WAC: variants seen among roughly 807,000 people sequenced by gnomAD.
WAC encodes the protein WW domain containing adaptor with coiled-coil.
In WAC, 11 loss-of-function variants were observed where a neutral mutation model predicts 79.6. The observed-to-expected ratio is 0.14, with a 90% confidence interval of 0.09 to 0.23. The LOEUF is 0.23. Ranked by LOEUF, WAC falls within the 10% of genes least tolerant of loss-of-function variation. The pLI is 1.00. For synonymous variants in WAC, 304 were observed against 276.9 expected (o/e 1.10, Z -0.97); for missense variants, 728 against 773.5 (o/e 0.94, Z 0.70).
At chr10:28,535,113 T>G (rs1275715565) in intron 2 of WAC, among the ~76,000 whole-genome samples, 1 of 134,404 alleles carries the variant, frequency 7.4e-6, no homozygotes, top group East Asian at 2.4e-4. Context: ...GAAACTGGTG[T>G]GTGGGTTTTT....
At position 28,583,521 on chromosome 10, in the gene WAC, A is replaced by G; in HGVS notation, c.381+16A>G. 7.0e-7 allele frequency: 1 copy of G among 1,432,650 alleles called. No homozygotes were observed. Among genetic ancestry groups the G allele is most frequent in the Non-Finnish European group, 9.3e-7 (1 of 1,076,936 alleles). The allele number at this position is 1,432,650 out of a possible 1,614,324, so 88.7% of individuals were successfully genotyped here. On this transcript the variant is annotated intron_variant, in intron 4 of 13. Transcript: ENST00000354911. The stretch of plus-strand genomic sequence containing the variant: ...TTCAGATGCAGTAAGTATTATAAAC[A>G]TGTCCAATATGGTTTCTTTGGAATT...
chr10:28,621,897 GAC>G lies in WAC; in HGVS notation c.*2293_*2294del, dbSNP rs2132897508. On this transcript the variant is annotated 3_prime_UTR_variant, in exon 14 of 14. Coordinates refer to ENST00000354911, the MANE Select transcript of WAC (RefSeq NM_016628.5). ...AATAGTGAATTTTTTTTTTTCTTGA[GAC>G]AGAGTTTCACTCTTGTTGCCCAGGC... 1 of 151,872 alleles carries G rather than the reference GAC, an allele frequency of 6.6e-6. No individual in the cohort carries two copies. The highest frequency in any genetic ancestry group is 1.9e-4 in the East Asian group (1 of 5,166). 9.4% of individuals were successfully genotyped at this position (151,872 alleles called of 1,614,324 possible).
chr10:28,567,109 T>C (rs1356264350), intron 3 of WAC, among the ~76,000 whole-genome samples: 3 of 152,046 alleles, frequency 2.0e-5, no homozygotes, highest in African/African-American at 7.2e-5. Context: ...AGTCATGTTA[T>C]TCTTTTGCTA....
intron 3 of WAC, among the ~76,000 whole-genome samples, chr10:28,554,065 G>A (rs1225809092): frequency 4.6e-5 from 7 of 152,120 alleles, no homozygotes; most frequent in African/African-American, 9.6e-5. Context: ...ATGGGGTTTC[G>A]CCATGTTGGT....
chr10:28,608,357 G>A lies in WAC; in HGVS notation c.1091G>A (p.Arg364Lys), dbSNP rs747905532. 5 of 1,613,930 alleles carry A rather than the reference G, an allele frequency of 3.1e-6. No homozygotes were observed. In the South Asian group the frequency reaches 4.4e-5, roughly 14 times the overall value. The change falls in exon 8 of 14, where the codon AGA becomes AAA. Residue 364 changes from arginine (R) to lysine (K), a missense_variant. This residue lies in a region of WAC where 648 missense variants were observed against 661.5 expected (regional missense o/e 0.98). Transcript: ENST00000354911. ...PPLLQDPNLLRQLLPALQATL... is the reference protein window; with the variant it reads ...PPLLQDPNLLKQLLPALQATL... Reference sequence around the variant, plus strand: ...TTACTTCAGGACCCAAATCTTCTTAGACAATTGCTTCCTGCTTTGCAAGCC... The same window carrying A: ...TTACTTCAGGACCCAAATCTTCTTAAACAATTGCTTCCTGCTTTGCAAGCC...
intron 3 of WAC, among the ~76,000 whole-genome samples, chr10:28,552,348 G>C (rs1389605500): frequency 6.6e-6 from 1 of 152,134 alleles, no homozygotes; most frequent in Non-Finnish European, 1.5e-5. Flanking sequence ...AATCAGGCCT[G>C]TTGGTCAGAG....
intron 3 of WAC, among the ~76,000 whole-genome samples, chr10:28,547,154 A>G (rs370776752): frequency 2.6e-5 from 4 of 152,168 alleles, no homozygotes; most frequent in African/African-American, 9.7e-5. Flanking sequence ...TTTCTGGCAG[A>G]TGGGATTATT....
chr10:28,541,044 A>G (rs1259445586), intron 3 of WAC, among the ~76,000 whole-genome samples: 1 of 152,108 alleles, frequency 6.6e-6, no homozygotes, highest in Non-Finnish European at 1.5e-5. Flanking sequence ...TTATAATTTA[A>G]TGGTATTTCT....
chr10:28,613,396 C>T (rs918689620), intron 10 of WAC, among the ~76,000 whole-genome samples: 1 of 152,076 alleles, frequency 6.6e-6, no homozygotes, highest in African/African-American at 2.4e-5. Context: ...GTGCACTACT[C>T]AGGAGGCTGA....
At chr10:28,616,681 A>C (rs1277252138) in intron 12 of WAC, among the ~76,000 whole-genome samples, 1 of 152,220 alleles carries the variant, frequency 6.6e-6, no homozygotes, top group Admixed American at 6.5e-5. Context: ...CAAATAGTGC[A>C]TAAGACCTTG....
At chr10:28,553,445 T>G (rs1239310724) in intron 3 of WAC, among the ~76,000 whole-genome samples, 1 of 152,180 alleles carries the variant, frequency 6.6e-6, no homozygotes, top group African/African-American at 2.4e-5. Context: ...GCAAATACAA[T>G]TTTTATTTCT....
chr10:28,606,255 T>C (rs1020896994), intron 7 of WAC, among the ~76,000 whole-genome samples: 1 of 152,206 alleles, frequency 6.6e-6, no homozygotes, highest in African/African-American at 2.4e-5. Context: ...TTTTGCCGTG[T>C]TGCCCAGGCC....
chr10:28,543,725 A>G (rs753073238), intron 3 of WAC, among the ~76,000 whole-genome samples: 13 of 152,234 alleles, frequency 8.5e-5, no homozygotes, highest in South Asian at 2.1e-4. Flanking sequence ...TTGTAGAAAA[A>G]TTAGGAAATG....
Position 28,622,204 on chromosome 10 carries a change from C to G in WAC, c.*2598C>G, listed in dbSNP as rs1588628357. On this transcript the variant is annotated 3_prime_UTR_variant, in exon 14 of 14. Coordinates refer to ENST00000354911, the MANE Select transcript of WAC (RefSeq NM_016628.5). ...TAGTGAATTTTTAAACACAGAAAATCTAAAATTTTGTGGAAATATTTTAAA... is the reference window on the plus strand; with the variant it reads ...TAGTGAATTTTTAAACACAGAAAATGTAAAATTTTGTGGAAATATTTTAAA... 6.6e-6 allele frequency: 1 copy of G among 152,086 alleles called. No homozygotes were observed. The highest frequency in any genetic ancestry group is 1.5e-5 in the Non-Finnish European group (1 of 68,012). The allele number at this position is 152,086 out of a possible 1,614,324, so 9.4% of individuals were successfully genotyped here. A position where few individuals can be genotyped will look rare whatever the true frequency, so the allele number is the denominator to read the frequency against.
intron 4 of WAC, 47 bp downstream of exon 4, chr10:28,583,552 CAA>C (rs35140807): frequency 0.012 from 9,606 of 814,764 alleles, no homozygotes; most frequent in South Asian, 0.021. Flanking sequence ...GAATTTTTTG[CAA>C]AAAAAAAAAA....
intron 7 of WAC, among the ~76,000 whole-genome samples, chr10:28,596,384 C>T (rs1419852205): frequency 7.2e-5 from 11 of 152,112 alleles, no homozygotes. Context: ...TAAATCGTCT[C>T]AGTTTTCTCT....
chr10:28,569,204 T>C (rs1838812086), intron 3 of WAC, among the ~76,000 whole-genome samples: 1 of 152,228 alleles, frequency 6.6e-6, no homozygotes, highest in Non-Finnish European at 1.5e-5. Context: ...ATAACTGTTC[T>C]TTATAGAAAA....
At chr10:28,562,277 G>A (rs999018776) in intron 3 of WAC, among the ~76,000 whole-genome samples, 4 of 152,038 alleles carry the variant, frequency 2.6e-5, no homozygotes, top group South Asian at 2.1e-4. Flanking sequence ...GGCTGGTCTC[G>A]AACTCTGACC....
Position 28,582,734 on chromosome 10 carries a change from A to G in WAC, c.275-665A>G, listed in dbSNP as rs564909210. On this transcript the variant is annotated intron_variant, in intron 3 of 13. Coordinates refer to ENST00000354911, the MANE Select transcript of WAC (RefSeq NM_016628.5). ...GGATTTTTATACCCTGCTTTTTCTT[A>G]AAGCAAGAGAAACTTTTTTCTGTGG... 5.3e-5 allele frequency among the ~76,000 whole-genome samples: 8 copies of G among 152,288 alleles called. No individual in the cohort carries two copies. In the South Asian group the frequency reaches 1.7e-3, roughly 32 times the overall value.
Sources: allele counts gnomAD v4.1 joint callset (sites outside exome capture counted in the v4.1 genomes callset), GRCh38; gene constraint gnomAD v4.1.1; regional missense constraint gnomAD v4.1.1; transcripts MANE v1.5; gene names NCBI Gene and HGNC (gene_info 2026-07-23, HGNC 2026-07-21).